Variants in SNX8 observed in about 807,000 individuals in gnomAD.
SNX8 encodes the protein sorting nexin-8.
A neutral mutation model predicts 51.6 loss-of-function variants in SNX8; 25 were observed. The ratio of observed to expected loss-of-function variants is 0.48; its 90% CI spans 0.35 to 0.68. SNX8 has a LOEUF of 0.68. Ranked by LOEUF, SNX8 falls within the 30% of genes least tolerant of loss-of-function variation. The pLI is 0.00. For missense variants in SNX8, 695 were observed against 624.0 expected, an observed-to-expected ratio of 1.11 and a Z score of -1.21; for synonymous variants, 324 against 277.0, an observed-to-expected ratio of 1.17 and a Z score of -1.68.
At chr7:2,329,540 C>A (rs1778692622) in intron 1 of SNX8, among the ~76,000 whole-genome samples, 1 of 152,124 alleles carries the variant, frequency 6.6e-6, no homozygotes, top group Non-Finnish European at 1.5e-5. Context: ...AGCCTCTGAC[C>A]TTCTCCTGGT....
chr7:2,303,299 G>A (rs373320454), intron 1 of SNX8, among the ~76,000 whole-genome samples: 3 of 147,560 alleles, frequency 2.0e-5, no homozygotes, highest in East Asian at 2.0e-4. Context: ...TCAGCCCCCC[G>A]CCCGGCCAGC....
intron 1 of SNX8, among the ~76,000 whole-genome samples, chr7:2,280,225 GC>G (rs1795879203): frequency 6.6e-6 from 1 of 152,256 alleles, no homozygotes; most frequent in East Asian, 1.9e-4. Flanking sequence ...CCTACGCCCA[GC>G]TTGCAAAGAA....
At position 2,256,478 on chromosome 7, in the gene SNX8, C is replaced by T. The variant is rs565484774; in HGVS notation, c.1284+396G>A. On this transcript the variant is annotated intron_variant, in intron 10 of 10. Coordinates refer to ENST00000222990, the MANE Select transcript of SNX8 (RefSeq NM_013321.4). ...CGTTTCTTCTCCCAGGCTGAAGGAA[C>T]CGCCATCTGCTCTGGAGGAAGCCGG... is the stretch of plus-strand genomic sequence containing the variant. 2.6e-5 allele frequency among the ~76,000 whole-genome samples: 4 copies of T among 152,390 alleles called. No individual in the cohort carries two copies. The East Asian group carries it at 7.7e-4, about 29-fold the overall frequency.
chr7:2,304,007 A>G (rs1271837278), intron 1 of SNX8, among the ~76,000 whole-genome samples: 1 of 150,426 alleles, frequency 6.6e-6, no homozygotes, highest in Non-Finnish European at 1.5e-5. Context: ...AAAAAAAAAA[A>G]TACAAAAAAA....
chr7:2,300,611 G>A (rs1024963478), intron 1 of SNX8, among the ~76,000 whole-genome samples: 3 of 151,082 alleles, frequency 2.0e-5, no homozygotes, highest in African/African-American at 4.9e-5. Flanking sequence ...AAAAGGTCTC[G>A]CTATGTAATG....
chr7:2,263,497 G>T, intron 6 of SNX8, 135 bp from the exon 7 acceptor site: 2 of 899,520 alleles, frequency 2.2e-6, no homozygotes, highest in South Asian at 3.6e-5. Flanking sequence ...GCTGCTCAAA[G>T]AGTGGCCTGT....
chr7:2,258,676 T>C (rs1171482345), intron 7 of SNX8, among the ~76,000 whole-genome samples: 1 of 151,918 alleles, frequency 6.6e-6, no homozygotes, highest in Non-Finnish European at 1.5e-5. Flanking sequence ...AGACAGCAGC[T>C]GCAGGAAGGA....
intron 1 of SNX8, among the ~76,000 whole-genome samples, chr7:2,332,769 A>AAGGAGGGAAAGAAG (rs1778760457): frequency 8.2e-6 from 1 of 122,404 alleles, no homozygotes; most frequent in Non-Finnish European, 1.9e-5. Context: ...GAAGGAAGGA[A>AAGGAGGGAAAGAAG]GGAGGGAAGG....
chr7:2,344,791 G>A (rs563004938), intron 1 of SNX8, among the ~76,000 whole-genome samples: 13 of 152,094 alleles, frequency 8.5e-5, no homozygotes, highest in Admixed American at 4.6e-4. Flanking sequence ...TGGGCACGGC[G>A]GCTCACGCCT....
chr7:2,329,521 G>T (rs531977028), intron 1 of SNX8, among the ~76,000 whole-genome samples: 1 of 152,180 alleles, frequency 6.6e-6, no homozygotes, highest in East Asian at 1.9e-4. Context: ...TGTCTGTTAG[G>T]CCTCGGGCAG....
chr7:2,263,774 C>T (rs1057217333), intron 6 of SNX8, among the ~76,000 whole-genome samples: 13 of 151,946 alleles, frequency 8.6e-5, no homozygotes, highest in Admixed American at 5.9e-4. Context: ...AGTGCAGTGG[C>T]GCGATCTCGG....
At chr7:2,257,943 G>T (rs957869668) in intron 7 of SNX8, 140 bp from the exon 8 acceptor site, 10 of 755,204 alleles carry the variant, frequency 1.3e-5, no homozygotes, top group Non-Finnish European at 2.0e-5. Flanking sequence ...AGCCAGGTCT[G>T]CAGGGGGCCC....
intron 1 of SNX8, among the ~76,000 whole-genome samples, chr7:2,300,871 G>A (rs1168777111): frequency 6.6e-6 from 1 of 152,072 alleles, no homozygotes; most frequent in Non-Finnish European, 1.5e-5. Context: ...TCGAACTCCT[G>A]ACCTCAAATG....
rs541860605 is a variant in SNX8 at position 2,327,624 on chromosome 7, G to C, written c.-66+26598C>G. 5.9e-5 allele frequency among the ~76,000 whole-genome samples: 9 copies of C among 151,910 alleles called. No individual in the cohort carries two copies. In the East Asian group the frequency reaches 1.8e-3, roughly 30 times the overall value. ...GGGTTTCACTGTGTTAGCCAGGATGGTCTCGATCTCCTGACCTCATGATCC... is the reference window on the plus strand; with the variant it reads ...GGGTTTCACTGTGTTAGCCAGGATGCTCTCGATCTCCTGACCTCATGATCC... On this transcript the variant is annotated intron_variant, in intron 1 of 5. Coordinates refer to the SNX8 transcript ENST00000435336.
At chr7:2,255,414 A>C (rs1408983114) in intron 10 of SNX8, among the ~76,000 whole-genome samples, 1 of 152,216 alleles carries the variant, frequency 6.6e-6, no homozygotes. Context: ...ACCCAGGACC[A>C]AAGGGCTGCA....
At position 2,257,350 on chromosome 7, in the gene SNX8, C is replaced by T. The variant is rs1315583010; in HGVS notation, c.1134+15G>A. On this transcript the variant is annotated intron_variant, in intron 9 of 10. Transcript: ENST00000222990. ...AAAGGCTCCCACGGGCCTGCTCGGC[C>T]GCCCCGCCACCCACCTCCACAATGC... 6 of 1,599,690 alleles carry T rather than the reference C, an allele frequency of 3.8e-6. No individual in the cohort carries two copies. Among genetic ancestry groups the T allele is most frequent in the Middle Eastern group, 4.1e-4 (2 of 4,936 alleles).
intron 1 of SNX8, among the ~76,000 whole-genome samples, chr7:2,285,074 T>C (rs1296759615): frequency 6.6e-6 from 1 of 151,914 alleles, no homozygotes; most frequent in Non-Finnish European, 1.5e-5. Context: ...TAGCCGGGTG[T>C]GGTGGCGGAC....
At chr7:2,271,715 T>TAGAC in intron 4 of SNX8, 135 bp downstream of exon 4, 1 of 974,712 alleles carries the variant, frequency 1.0e-6, no homozygotes, top group Non-Finnish European at 1.5e-6. Context: ...AAAGAAGTCT[T>TAGAC]GTCCATGTCA....
chr7:2,270,620 C>T (rs1278847347), intron 4 of SNX8, among the ~76,000 whole-genome samples: 4 of 152,018 alleles, frequency 2.6e-5, no homozygotes, highest in African/African-American at 9.7e-5. Flanking sequence ...CTGCCACATT[C>T]CTCTGCTGGC....
Sources: allele counts gnomAD v4.1 joint callset (sites outside exome capture counted in the v4.1 genomes callset), GRCh38; gene constraint gnomAD v4.1.1; transcripts MANE v1.5; gene names NCBI Gene and HGNC (gene_info 2026-07-23, HGNC 2026-07-21).